CEACAM21: variants seen among roughly 807,000 people sequenced by gnomAD.
CEACAM21 encodes the protein cell adhesion molecule CEACAM21.
In CEACAM21, 38 loss-of-function variants were observed where a neutral mutation model predicts 33.2. The ratio of observed to expected loss-of-function variants is 1.14; its 90% CI spans 0.88 to 1.50. CEACAM21 has a LOEUF of 1.50. Among genes scored for constraint, CEACAM21 ranks in the 40% most tolerant of loss-of-function variants. The probability of loss-of-function intolerance (pLI) is 0.00; values close to 1 mark genes in which losing one functional copy is unlikely to be tolerated. For missense variants in CEACAM21, 385 were observed against 364.6 expected (o/e 1.06, Z -0.46); for synonymous variants, 156 against 143.0 (o/e 1.09, Z -0.65).
At chr19:41,581,791 C>T (rs1252481941) in intron 3 of CEACAM21, among the ~76,000 whole-genome samples, 1 of 152,096 alleles carries the variant, frequency 6.6e-6, no homozygotes, top group East Asian at 1.9e-4. Flanking sequence ...CAATTACCTC[C>T]CACTGGGTCC....
intron 1 of CEACAM21, chr19:41,550,574 C>A (rs1341027126): frequency 6.6e-6 from 1 of 152,182 alleles, no homozygotes; most frequent in Non-Finnish European, 1.5e-5. Context: ...AGCTCAAATC[C>A]AGCTCGACCA....
upstream of CEACAM21, among the ~76,000 whole-genome samples, chr19:41,575,132 T>C (rs1555790566): frequency 6.6e-6 from 1 of 152,144 alleles, no homozygotes; most frequent in Non-Finnish European, 1.5e-5. Context: ...ACATGTAAAC[T>C]AGGCAAATTC....
chr19:41,585,898 T>C, intron 6 of CEACAM21, 27 bp downstream of exon 6: 1 of 1,611,502 alleles, frequency 6.2e-7, no homozygotes, highest in Non-Finnish European at 8.5e-7. Flanking sequence ...CCAATCCCAT[T>C]TCCACTGGGG....
At chr19:41,571,386 A>G (rs2042603894), upstream of CEACAM21, among the ~76,000 whole-genome samples, 1 of 152,194 alleles carries the variant, frequency 6.6e-6, no homozygotes, top group African/African-American at 2.4e-5. Context: ...AGCAGGAATG[A>G]CATGGGCTTT....
chr19:41,569,683 C>G (rs1248715553), intron 2 of CEACAM21, among the ~76,000 whole-genome samples: 1 of 152,136 alleles, frequency 6.6e-6, no homozygotes, highest in Admixed American at 6.5e-5. Context: ...TGGAGCCTCC[C>G]ATGCCTGCTT....
intron 2 of CEACAM21, among the ~76,000 whole-genome samples, chr19:41,565,968 C>CGGGGGGG (rs1260748718): frequency 3.1e-4 from 8 of 25,814 alleles, no homozygotes; most frequent in South Asian, 1.2e-3. Flanking sequence ...TTTGGGGGGG[C>CGGGGGGG]GGGGGGGGTG....
chr19:41,585,370 CTG>C, intron 4 of CEACAM21, 71 bp from the exon 5 acceptor site: 1 of 1,504,796 alleles, frequency 6.6e-7, no homozygotes, highest in Non-Finnish European at 9.2e-7. Flanking sequence ...GGCTCCTTTC[CTG>C]GTCCCCTATT....
At chr19:41,567,329 C>G (rs1035573458) in intron 2 of CEACAM21, among the ~76,000 whole-genome samples, 1 of 152,104 alleles carries the variant, frequency 6.6e-6, no homozygotes, top group African/African-American at 2.4e-5. Context: ...TAAGGTAGTT[C>G]GATAGCAGTC....
At chr19:41,580,218 C>T (rs2043270998) in intron 3 of CEACAM21, among the ~76,000 whole-genome samples, 1 of 151,914 alleles carries the variant, frequency 6.6e-6, no homozygotes, top group African/African-American at 2.4e-5. Context: ...GGGATTCCAC[C>T]CTGTTTGGAA....
rs1555790962 is a variant in CEACAM21 at position 41,576,250 on chromosome 19, G to A, written c.-25G>A. On this transcript the variant is annotated 5_prime_UTR_variant, in exon 1 of 7. Coordinates refer to ENST00000401445, the MANE Select transcript of CEACAM21 (RefSeq NM_001098506.4). ...GGAGCCCAAGCTCCTCTCCACAGAG[G>A]AGGACAGAGCAGGCAGCAGAGACCA... 19 of 1,613,748 alleles carry A rather than the reference G, an allele frequency of 1.2e-5. No homozygotes were observed. Among genetic ancestry groups the A allele is most frequent in the Non-Finnish European group, 1.4e-5 (16 of 1,179,834 alleles).
At chr19:41,557,671 T>A (rs781787044) in intron 1 of CEACAM21, among the ~76,000 whole-genome samples, 2 of 152,216 alleles carry the variant, frequency 1.3e-5, no homozygotes, top group Non-Finnish European at 2.9e-5. Context: ...CTCAGGTCCC[T>A]GGACATCCCT....
upstream of CEACAM21, among the ~76,000 whole-genome samples, chr19:41,575,101 T>C (rs34007391): frequency 0.14 from 21,951 of 152,160 alleles, 3,219 homozygotes; most frequent in East Asian, 0.37. Flanking sequence ...AATACACGTA[T>C]ATAATTCCTT....
intron 1 of CEACAM21, among the ~76,000 whole-genome samples, chr19:41,556,164 C>T (rs1555785558): frequency 1.3e-5 from 2 of 152,018 alleles, no homozygotes; most frequent in East Asian, 3.8e-4. Context: ...TCATGTGATA[C>T]CAAAGATGCC....
At position 41,565,286 on chromosome 19, in the gene CEACAM21, G is replaced by A. The variant is rs115415979; in HGVS notation, c.-404+230G>A. ...AGGAGGCACAGTGGGGAGGAGAAGG[G>A]GGTGGGGAGCCTAAGGAGAGGAGTG... is the stretch of plus-strand genomic sequence containing the variant. On this transcript the variant is annotated intron_variant, in intron 2 of 7. Coordinates refer to the CEACAM21 transcript ENST00000407170. Among the ~76,000 whole-genome samples the A allele has an allele frequency of 9.2e-3, 1,399 of 152,246 alleles. 22 individuals carry two copies. Among genetic ancestry groups the A allele is most frequent in the African/African-American group, 0.032 (1,324 of 41,556 alleles).
chr19:41,577,602 T>A (rs782360043), intron 2 of CEACAM21, 43 bp downstream of exon 2: 1 of 1,605,394 alleles, frequency 6.2e-7, no homozygotes, highest in South Asian at 1.1e-5. Flanking sequence ...GGGTCAGTTC[T>A]GCTTCACATA....
At position 41,585,460 on chromosome 19, in the gene CEACAM21, AC is replaced by A; in HGVS notation, c.816del (p.Phe273SerfsTer78). 1 of 1,613,816 alleles carries A rather than the reference AC, an allele frequency of 6.2e-7. No individual in the cohort carries two copies. The highest frequency in any genetic ancestry group is 1.3e-5 in the African/African-American group (1 of 74,986). Reference sequence around the variant, plus strand: ...TTTCCTAGGGCCAGCGATCAGAGTGACTTCAGGGAGCAGCAGCCCCCAGCCT... The same window carrying A: ...TTTCCTAGGGCCAGCGATCAGAGTGATTCAGGGAGCAGCAGCCCCCAGCCT... ...RKTGRASDQS[D>X]FREQQPPAST... On this transcript the variant is annotated frameshift_variant, in exon 5 of 7. Transcript: ENST00000401445. LOFTEE classifies it high-confidence loss of function.
rs2070673791 is a variant in CEACAM21 at position 41,585,578 on chromosome 19, G to A, written c.850+83G>A. On this transcript the variant is annotated intron_variant, in intron 5 of 6. Coordinates refer to ENST00000401445, the MANE Select transcript of CEACAM21 (RefSeq NM_001098506.4). ...CCACTCCTGCCAGTTACACCCAGGGGCCTCTGACCCTATCCCTGGGGCTGC... is the reference window on the plus strand; with the variant it reads ...CCACTCCTGCCAGTTACACCCAGGGACCTCTGACCCTATCCCTGGGGCTGC... 4 of 1,430,022 alleles carry A rather than the reference G, an allele frequency of 2.8e-6. No homozygotes were observed. In the South Asian group the frequency reaches 4.6e-5, roughly 16 times the overall value. The allele number at this position is 1,430,022 out of a possible 1,614,324, so 88.6% of individuals were successfully genotyped here. A position where few individuals can be genotyped will look rare whatever the true frequency, so the allele number is the denominator to read the frequency against.
chr19:41,562,616 C>T (rs1371434162), intron 1 of CEACAM21, among the ~76,000 whole-genome samples: 3 of 151,938 alleles, frequency 2.0e-5, no homozygotes, highest in Non-Finnish European at 4.4e-5. Context: ...AGGAGAATAC[C>T]TAATAATAAA....
At chr19:41,555,302 CTTTTTTTT>C (rs550656737) in intron 1 of CEACAM21, 1 of 115,508 alleles carries the variant, frequency 8.7e-6, no homozygotes, top group African/African-American at 3.2e-5. Context: ...CTTGGGCTTG[CTTTTTTTT>C]TTTTTTTTTT....
Sources: gnomAD v4.1 joint callset for allele counts (sites outside exome capture counted in the v4.1 genomes callset) on GRCh38, gnomAD v4.1.1 for gene constraint, MANE v1.5 for transcripts, NCBI Gene and HGNC (gene_info 2026-07-23, HGNC 2026-07-21) for gene names.